The following CSNK1A1 variants were observed in gnomAD, a reference collection of about 807,000 sequenced individuals.
CSNK1A1 encodes the protein casein kinase 1 alpha 1, also known as casein kinase I isoform alpha.
In CSNK1A1, 7 loss-of-function variants were observed where a neutral mutation model predicts 46.1. The observed-to-expected ratio is 0.15, with a 90% CI of 0.09 to 0.29. CSNK1A1 has a LOEUF of 0.29. Ranked by LOEUF, CSNK1A1 falls within the 10% of genes least tolerant of loss-of-function variation. CSNK1A1 has a pLI of 1.00. For synonymous variants in CSNK1A1, 137 were observed against 141.5 expected, an observed-to-expected ratio of 0.97 and a Z score of 0.23; for missense variants, 96 against 417.1, an observed-to-expected ratio of 0.23 and a Z score of 6.71.
At chr5:149,499,177 A>T (rs554431437) in intron 9 of CSNK1A1, 1 of 985,064 alleles carries the variant, frequency 1.0e-6, no homozygotes, top group African/African-American at 1.8e-5. Context: ...TTTCCCCAAT[A>T]CGCATTGGTC....
chr5:149,499,261 A>G, intron 9 of CSNK1A1: 1 of 978,634 alleles, frequency 1.0e-6, no homozygotes, highest in South Asian at 4.8e-5. Flanking sequence ...TCACTGTAAC[A>G]TCAGTTAAAA....
In CSNK1A1 at chr5:149,517,874, A is replaced by G; in HGVS notation, c.456+2416T>C. 6.3e-7 allele frequency: 1 copy of G among 1,591,390 alleles called. No homozygotes were observed. On this transcript the variant is annotated intron_variant, in intron 4 of 9. Coordinates refer to ENST00000377843, the MANE Select transcript of CSNK1A1 (RefSeq NM_001892.6). This position sits in a 1 kb window ranked among gnomAD's most constrained non-coding sequence, Gnocchi z 4.4. ...TTCCTCTTCCCCACTGGAGATTCTAAACACTAAACAGACAATAGAGGGTGG... is the reference window on the plus strand; with the variant it reads ...TTCCTCTTCCCCACTGGAGATTCTAGACACTAAACAGACAATAGAGGGTGG...
At chr5:149,497,706 T>A (rs1760697240) in intron 9 of CSNK1A1, 2 of 985,544 alleles carry the variant, frequency 2.0e-6, no homozygotes, top group Non-Finnish European at 2.4e-6. Context: ...GAGGCACCAA[T>A]GCTCCTTTGT....
chr5:149,510,190 T>C (rs1164956809), intron 6 of CSNK1A1, among the ~76,000 whole-genome samples: 1 of 152,220 alleles, frequency 6.6e-6, no homozygotes, highest in African/African-American at 2.4e-5. Flanking sequence ...GTGAGTCTAA[T>C]AGGAATATAT....
chr5:149,510,038 T>C (rs1476235582), intron 6 of CSNK1A1, 85 bp from the exon 7 acceptor site: 2 of 812,996 alleles, frequency 2.5e-6, no homozygotes, highest in Admixed American at 2.9e-5. Flanking sequence ...CATATAAACA[T>C]ATACCTGTGA....
At chr5:149,498,951 G>GA in intron 9 of CSNK1A1, 1 of 985,368 alleles carries the variant, frequency 1.0e-6, no homozygotes, top group South Asian at 4.7e-5. Flanking sequence ...CAATTGTTTA[G>GA]AAACTGGTAA....
Position 149,548,844 on chromosome 5 carries a change from A to C in CSNK1A1, c.230+1231T>G, listed in dbSNP as rs113835184. Among the ~76,000 whole-genome samples the C allele has an allele frequency of 8.1e-4, 123 of 152,326 alleles. 2 individuals carry two copies. Among genetic ancestry groups the C allele is most frequent in the African/African-American group, 2.7e-3 (114 of 41,560 alleles). ...CTCCAGCCTGGACCACAAGAGCGAA[A>C]ACTCCGTCTTAAAGAAGAGGCTCCA... On this transcript the variant is annotated intron_variant, in intron 2 of 9. Coordinates refer to ENST00000377843, the MANE Select transcript of CSNK1A1 (RefSeq NM_001892.6).
intron 2 of CSNK1A1, among the ~76,000 whole-genome samples, chr5:149,537,414 TA>T (rs912148594): frequency 6.6e-6 from 1 of 151,872 alleles, no homozygotes; most frequent in Non-Finnish European, 1.5e-5. Flanking sequence ...CCAACAATGA[TA>T]AAATGCCAAC....
Position 149,550,361 on chromosome 5 carries a change from G to T in CSNK1A1, c.124-180C>A. 7.1e-7 allele frequency: 1 copy of T among 1,403,594 alleles called. No homozygotes were observed. Among genetic ancestry groups the T allele is most frequent in the Non-Finnish European group, 9.2e-7 (1 of 1,082,474 alleles). 86.9% of individuals were successfully genotyped at this position (1,403,594 alleles called of 1,614,324 possible). ...ACCAGCCTCAAAGGCCTCTTCAGGG[G>T]GTAGTGACGAAATCCGTACGTCCTC... On this transcript the variant is annotated intron_variant, in intron 1 of 9. Coordinates refer to ENST00000377843, the MANE Select transcript of CSNK1A1 (RefSeq NM_001892.6). The surrounding 1 kb of genome is among the most constrained non-coding windows in gnomAD (Gnocchi z 4.3).
intron 4 of CSNK1A1, among the ~76,000 whole-genome samples, chr5:149,514,026 A>C (rs1357285465): frequency 6.6e-6 from 1 of 152,188 alleles, no homozygotes; most frequent in Non-Finnish European, 1.5e-5. Context: ...TGAAACCAAG[A>C]CTTTTTATTA....
chr5:149,535,992 TG>T (rs578043907), intron 2 of CSNK1A1, among the ~76,000 whole-genome samples: 26 of 152,030 alleles, frequency 1.7e-4, no homozygotes, highest in Middle Eastern at 3.5e-3. Context: ...TTGCTCTCGT[TG>T]CCCAGGCTGG....
At position 149,493,448 on chromosome 5, in the gene CSNK1A1, G is replaced by A. The variant is rs936959270; in HGVS notation, c.*3405C>T. 1 of 148,302 alleles carries A rather than the reference G, an allele frequency of 6.7e-6. No homozygotes were observed. Among genetic ancestry groups the A allele is most frequent in the Non-Finnish European group, 1.5e-5 (1 of 67,674 alleles). 9.2% of individuals were successfully genotyped at this position (148,302 alleles called of 1,614,324 possible). A position where few individuals can be genotyped will look rare whatever the true frequency, so the allele number is the denominator to read the frequency against. Reference sequence around the variant, plus strand: ...CATCTCATATTTCTCCATCCCAGGAGCCATTATTACTCTACTTTTGAGTAT... The same window carrying A: ...CATCTCATATTTCTCCATCCCAGGAACCATTATTACTCTACTTTTGAGTAT... On this transcript the variant is annotated 3_prime_UTR_variant, in exon 10 of 10. Transcript: ENST00000377843.
Position 149,502,949 on chromosome 5 carries a change from T to C in CSNK1A1, c.1006+2498A>G, listed in dbSNP as rs533300049. 5.2e-5 allele frequency: 35 copies of C among 670,848 alleles called. No individual in the cohort carries two copies. The African/African-American group carries it at 5.5e-4, about 11-fold the overall frequency. The allele number at this position is 670,848 out of a possible 1,614,324, so 41.6% of individuals were successfully genotyped here. A position where few individuals can be genotyped will look rare whatever the true frequency, so the allele number is the denominator to read the frequency against. On this transcript the variant is annotated intron_variant, in intron 9 of 9. Coordinates refer to ENST00000377843, the MANE Select transcript of CSNK1A1 (RefSeq NM_001892.6). ...ACACCTGGCTAATTTTTGTATTTTT[T>C]GTAGAGATGGGTTTCCACCATGTTG...
chr5:149,507,434 CATTTT>C (rs2113073812), intron 7 of CSNK1A1, among the ~76,000 whole-genome samples: 1 of 151,172 alleles, frequency 6.6e-6, no homozygotes, highest in Non-Finnish European at 1.5e-5. Context: ...TAAAACCTGT[CATTTT>C]ATCAAAGTCG....
At chr5:149,538,816 G>A (rs1489179611) in intron 2 of CSNK1A1, among the ~76,000 whole-genome samples, 1 of 152,112 alleles carries the variant, frequency 6.6e-6, no homozygotes, top group African/African-American at 2.4e-5. Context: ...CAGCTACTCA[G>A]GAGGCTGAGG....
At chr5:149,512,148 T>C in intron 5 of CSNK1A1, among the ~76,000 whole-genome samples, 1 of 152,000 alleles carries the variant, frequency 6.6e-6, no homozygotes, top group East Asian at 1.9e-4. Flanking sequence ...ACCCTCTAAA[T>C]GAGCTTAATG....
chr5:149,497,936 C>A (rs762052727), intron 9 of CSNK1A1: 18 of 710,640 alleles, frequency 2.5e-5, no homozygotes, highest in Non-Finnish European at 2.4e-5. Flanking sequence ...TGGGTTCAAG[C>A]GATTCTCCTG....
At chr5:149,533,178 T>C (rs1352861443) in intron 2 of CSNK1A1, among the ~76,000 whole-genome samples, 3 of 152,206 alleles carry the variant, frequency 2.0e-5, no homozygotes, top group Non-Finnish European at 4.4e-5. Context: ...AAAAAAACTT[T>C]ACCACTGTTC....
At chr5:149,520,688 T>C (rs1342350719) in intron 3 of CSNK1A1, among the ~76,000 whole-genome samples, 1 of 152,192 alleles carries the variant, frequency 6.6e-6, no homozygotes, top group African/African-American at 2.4e-5. Context: ...ACCTGTATAA[T>C]AGTTTCAGTT....
Sources: allele counts gnomAD v4.1 joint callset (sites outside exome capture counted in the v4.1 genomes callset), GRCh38; gene constraint gnomAD v4.1.1; non-coding constraint Gnocchi (gnomAD v3.1); transcripts MANE v1.5; gene names NCBI Gene and HGNC (gene_info 2026-07-23, HGNC 2026-07-21).